PEMT: variants seen among roughly 807,000 people sequenced by gnomAD.
PEMT encodes the protein phospholipid methyltransferase.
In PEMT, 23 loss-of-function variants were observed where a neutral mutation model predicts 27.4. The ratio of observed to expected loss-of-function variants is 0.84; its 90% confidence interval spans 0.60 to 1.19. The LOEUF (loss-of-function observed/expected upper bound fraction) is 1.19. Among genes scored for constraint, PEMT ranks in the 50% most tolerant of loss-of-function variants. The probability of loss-of-function intolerance (pLI) is 0.00; values close to 1 mark genes in which losing one functional copy is unlikely to be tolerated. For missense variants in PEMT, 307 were observed against 310.1 expected, an observed-to-expected ratio of 0.99 and a Z score of 0.07; for synonymous variants, 137 against 139.1, an observed-to-expected ratio of 0.98 and a Z score of 0.11.
At chr17:17,586,268 GAAAGAA>G (rs1912285959) in intron 1 of PEMT, among the ~76,000 whole-genome samples, 1 of 109,734 alleles carries the variant, frequency 9.1e-6, no homozygotes, top group Non-Finnish European at 1.8e-5. Context: ...AAGAAAGAAA[GAAAGAA>G]AGAAAGAAAG....
chr17:17,587,238 G>A (rs1462775566), intron 1 of PEMT, among the ~76,000 whole-genome samples: 1 of 151,958 alleles, frequency 6.6e-6, no homozygotes, highest in Non-Finnish European at 1.5e-5. Flanking sequence ...ATCAATATCA[G>A]AAATAAAAGG....
intron 1 of PEMT, among the ~76,000 whole-genome samples, chr17:17,585,189 T>C (rs1912182701): frequency 6.6e-6 from 1 of 152,042 alleles, no homozygotes; most frequent in Admixed American, 6.6e-5. Flanking sequence ...CATACAAAAA[T>C]TAGCCGGGCG....
chr17:17,568,602 A>G (rs1910986093), intron 2 of PEMT, among the ~76,000 whole-genome samples: 1 of 152,192 alleles, frequency 6.6e-6, no homozygotes, highest in Non-Finnish European at 1.5e-5. Context: ...TGACAAGGGT[A>G]CAGGGCCTGG....
chr17:17,536,806 T>A (rs986195306), intron 2 of PEMT, among the ~76,000 whole-genome samples: 9 of 152,220 alleles, frequency 5.9e-5, no homozygotes, highest in Admixed American at 3.9e-4. Context: ...GGACCTGGTA[T>A]GGCCGGGAGC....
chr17:17,536,217 G>A (rs751882715), intron 2 of PEMT, among the ~76,000 whole-genome samples: 2 of 152,324 alleles, frequency 1.3e-5, no homozygotes, highest in African/African-American at 4.8e-5. Context: ...CCAGCCCCAC[G>A]GGGGACGTCC....
At chr17:17,581,333 T>A (rs1039616592) in intron 1 of PEMT, among the ~76,000 whole-genome samples, 1 of 152,142 alleles carries the variant, frequency 6.6e-6, no homozygotes, top group Non-Finnish European at 1.5e-5. Flanking sequence ...GGCCATACTC[T>A]CAGCCACCCT....
intron 3 of PEMT, among the ~76,000 whole-genome samples, chr17:17,516,075 G>A (rs1007918294): frequency 1.8e-4 from 28 of 151,934 alleles, no homozygotes; most frequent in Non-Finnish European, 1.0e-4. Context: ...ATCTGCAGCC[G>A]ACCAGAAACA....
chr17:17,558,061 G>T (rs1054390601), intron 2 of PEMT, among the ~76,000 whole-genome samples: 6 of 152,200 alleles, frequency 3.9e-5, no homozygotes, highest in African/African-American at 1.4e-4. Flanking sequence ...GGCAGTGGAG[G>T]CTGGGCACAG....
chr17:17,568,058 C>CAGA (rs1411306031), intron 2 of PEMT, among the ~76,000 whole-genome samples: 21 of 145,502 alleles, frequency 1.4e-4, no homozygotes, highest in African/African-American at 4.4e-4. Flanking sequence ...CACTCACACA[C>CAGA]CTACACACAC....
At chr17:17,522,669 A>G (rs867150990) in intron 2 of PEMT, among the ~76,000 whole-genome samples, 33 of 152,270 alleles carry the variant, frequency 2.2e-4, no homozygotes, top group African/African-American at 7.5e-4. Context: ...CCATGAACCC[A>G]CCAAGAGGCA....
chr17:17,571,846 C>T (rs1418889323), intron 2 of PEMT, among the ~76,000 whole-genome samples: 1 of 152,094 alleles, frequency 6.6e-6, no homozygotes, highest in Non-Finnish European at 1.5e-5. Context: ...GTAGCCGGTG[C>T]TCACCACCAC....
At chr17:17,527,628 C>T (rs1907770098) in intron 2 of PEMT, among the ~76,000 whole-genome samples, 1 of 152,144 alleles carries the variant, frequency 6.6e-6, no homozygotes, top group African/African-American at 2.4e-5. Flanking sequence ...ATGCCTGGAA[C>T]GATACTACAC....
intron 2 of PEMT, among the ~76,000 whole-genome samples, chr17:17,553,167 C>G (rs1472543225): frequency 6.6e-6 from 1 of 152,248 alleles, no homozygotes; most frequent in Non-Finnish European, 1.5e-5. Context: ...GTTAATGTCA[C>G]TGCCTTCCTC....
At position 17,512,869 on chromosome 17, in the gene PEMT, A is replaced by AT. The variant is rs1375913779; in HGVS notation, c.321-216dup. ...GGGCCCAGGCCTGTCAGATTTTTAA[A>AT]TTTTTTCAAGAGAAGCCAGAAATCC... On this transcript the variant is annotated intron_variant, in intron 3 of 6. Transcript: ENST00000255389. The surrounding 1 kb of genome is among the most constrained non-coding windows in gnomAD (Gnocchi z 6.3). Among the ~76,000 whole-genome samples, 1 of 152,086 alleles carries AT rather than the reference A, an allele frequency of 6.6e-6. No homozygotes were observed. Among genetic ancestry groups the AT allele is most frequent in the Non-Finnish European group, 1.5e-5 (1 of 68,004 alleles).
At chr17:17,579,304 C>T (rs561299348) in intron 1 of PEMT, among the ~76,000 whole-genome samples, 13 of 152,354 alleles carry the variant, frequency 8.5e-5, no homozygotes, top group Admixed American at 8.5e-4. Flanking sequence ...CCACGTGTGG[C>T]CTCCCCACCT....
chr17:17,550,675 G>A (rs1167273655), intron 2 of PEMT, among the ~76,000 whole-genome samples: 2 of 152,158 alleles, frequency 1.3e-5, no homozygotes, highest in East Asian at 1.9e-4. Context: ...TTTCCAGCCC[G>A]CTTATTCTAG....
At chr17:17,511,379 T>C (rs1364304660) in intron 4 of PEMT, among the ~76,000 whole-genome samples, 1 of 152,212 alleles carries the variant, frequency 6.6e-6, no homozygotes, top group Non-Finnish European at 1.5e-5. Flanking sequence ...GGCCTGGCCA[T>C]GGGCGATCCA....
chr17:17,515,377 C>T (rs558021486), intron 3 of PEMT, among the ~76,000 whole-genome samples: 32 of 152,146 alleles, frequency 2.1e-4, no homozygotes, highest in Non-Finnish European at 4.4e-4. Context: ...GGCCAGGGAG[C>T]GGGTGGGAGA....
intron 2 of PEMT, among the ~76,000 whole-genome samples, chr17:17,528,739 T>C (rs1043732415): frequency 1.6e-4 from 25 of 152,104 alleles, no homozygotes; most frequent in Non-Finnish European, 2.8e-4. Context: ...CAGCCCTCCA[T>C]TGGCCTTCTG....
Sources: gnomAD v4.1 joint callset for allele counts (sites outside exome capture counted in the v4.1 genomes callset) on GRCh38, gnomAD v4.1.1 for gene constraint, Gnocchi (gnomAD v3.1) non-coding constraint, MANE v1.5 for transcripts, NCBI Gene and HGNC (gene_info 2026-07-23, HGNC 2026-07-21) for gene names.